TMF1: variants seen among roughly 807,000 people sequenced by gnomAD.
The protein encoded by TMF1 is TATA element modulatory factor.
Under a neutral mutation model 126.5 loss-of-function variants are expected in TMF1, and 71 were observed. That is an observed-to-expected ratio of 0.56 (90% confidence interval 0.46 to 0.68). The LOEUF (loss-of-function observed/expected upper bound fraction) is 0.68, where lower values mean the gene tolerates loss of function less well. Among genes scored for constraint, TMF1 ranks in the 30% least tolerant of loss-of-function variants. The pLI, the probability that TMF1 is intolerant of heterozygous loss-of-function variation, is 0.00. For missense variants in TMF1, 1,259 were observed against 1,253.2 expected (o/e 1.00, Z -0.07); for synonymous variants, 461 against 430.5 (o/e 1.07, Z -0.88).
At chr3:69,042,137 A>G (rs2091869362) in intron 5 of TMF1, among the ~76,000 whole-genome samples, 6 of 152,104 alleles carry the variant, frequency 3.9e-5, no homozygotes, top group Admixed American at 2.6e-4. Context: ...CCCAGGCTCA[A>G]GCAATCCTCC....
At chr3:69,045,927 G>T (rs1054612296) in intron 2 of TMF1, among the ~76,000 whole-genome samples, 1 of 151,796 alleles carries the variant, frequency 6.6e-6, no homozygotes, top group African/African-American at 2.4e-5. Context: ...GGCGTGGTGC[G>T]AGCCTATGGT....
intron 2 of TMF1, among the ~76,000 whole-genome samples, chr3:69,044,880 A>C (rs1180888269): frequency 3.3e-5 from 5 of 152,206 alleles, no homozygotes; most frequent in African/African-American, 1.2e-4. Flanking sequence ...TTGATATAGA[A>C]AATTTCACTT....
At chr3:69,029,073 C>G (rs1458401551) in intron 11 of TMF1, among the ~76,000 whole-genome samples, 1 of 150,148 alleles carries the variant, frequency 6.7e-6, no homozygotes, top group East Asian at 1.9e-4. Context: ...GAGTCTCGCT[C>G]TGCTGCCCGG....
chr3:69,047,294 T>C (rs2091900567), intron 2 of TMF1, 64 bp downstream of exon 2: 39 of 1,486,434 alleles, frequency 2.6e-5, no homozygotes, highest in Non-Finnish European at 3.4e-5. Context: ...AAAGTATTTT[T>C]TAAAACAAAT....
At position 69,047,964 on chromosome 3, in the gene TMF1, A is replaced by G. The variant is rs762736143; in HGVS notation, c.741T>C (p.Ser247=). 1 of 1,613,900 alleles carries G rather than the reference A, an allele frequency of 6.2e-7. No homozygotes were observed. The highest frequency in any genetic ancestry group is 8.5e-7 in the Non-Finnish European group (1 of 1,180,032). Residue 247 remains serine (S), a synonymous_variant, in exon 2 of 17, where the codon AGT becomes AGC. Coordinates refer to ENST00000398559, the MANE Select transcript of TMF1 (RefSeq NM_007114.3). ...RQSNTPSPPV[S]TFSSGTSTTS... ...TGGTAGAAGTACCTGATGAAAAGGT[A>G]CTAACAGGAGGAGAAGGTGTATTGC...
At chr3:69,034,669 A>C (rs1378148853) in intron 9 of TMF1, among the ~76,000 whole-genome samples, 1 of 152,200 alleles carries the variant, frequency 6.6e-6, no homozygotes, top group Non-Finnish European at 1.5e-5. Flanking sequence ...TTTCCTCTGC[A>C]TGTTATAAAT....
intron 2 of TMF1, among the ~76,000 whole-genome samples, chr3:69,045,398 C>T (rs2091890094): frequency 6.6e-6 from 1 of 151,954 alleles, no homozygotes; most frequent in South Asian, 2.1e-4. Context: ...GTGGAGGTTG[C>T]AGTGAGCCAA....
At chr3:69,042,777 T>G in intron 5 of TMF1, 30 bp downstream of exon 5, 1 of 1,561,634 alleles carries the variant, frequency 6.4e-7, no homozygotes, top group South Asian at 1.1e-5. Flanking sequence ...CTTACAGTAT[T>G]TTTCATAGTC....
chr3:69,044,734 T>G (rs1288645735), intron 2 of TMF1, 139 bp from the exon 3 acceptor site: 58 of 524,478 alleles, frequency 1.1e-4, no homozygotes, highest in Non-Finnish European at 1.2e-4. Context: ...ACACAGAAGA[T>G]CCAGAACAAG....
Position 69,052,132 on chromosome 3 carries a change from G to A in TMF1, c.-46C>T. ...TGGCGGCGGCAGCACCAAGCGGGAA[G>A]GCCTCAGGCCTGGGGAAGGGTGCAG... On this transcript the variant is annotated 5_prime_UTR_variant, in exon 1 of 17. Coordinates refer to ENST00000398559, the MANE Select transcript of TMF1 (RefSeq NM_007114.3). 6.3e-7 allele frequency: 1 copy of A among 1,578,434 alleles called. No homozygotes were observed. The highest frequency in any genetic ancestry group is 2.3e-5 in the East Asian group (1 of 44,110).
chr3:69,049,317 T>G (rs556112641), intron 1 of TMF1, among the ~76,000 whole-genome samples: 1 of 152,328 alleles, frequency 6.6e-6, no homozygotes, highest in Non-Finnish European at 1.5e-5. Context: ...GAAGCTGCAG[T>G]GAGCCATGAT....
intron 10 of TMF1, 46 bp from the exon 11 acceptor site, chr3:69,030,053 A>C: frequency 6.6e-7 from 1 of 1,510,770 alleles, no homozygotes; most frequent in South Asian, 1.2e-5. Context: ...TACAGCCCAG[A>C]GACCAAAATA....
intron 8 of TMF1, among the ~76,000 whole-genome samples, chr3:69,037,114 T>C (rs556716990): frequency 6.6e-6 from 1 of 152,176 alleles, no homozygotes. Flanking sequence ...TGCAAAGGAT[T>C]TGAATATTTT....
At chr3:69,044,662 T>A (rs2091885728) in intron 2 of TMF1, 67 bp from the exon 3 acceptor site, 2 of 943,686 alleles carry the variant, frequency 2.1e-6, no homozygotes, top group Non-Finnish European at 3.3e-6. Flanking sequence ...TACATGCAGG[T>A]GTATCACTGT....
intron 2 of TMF1, among the ~76,000 whole-genome samples, chr3:69,045,055 T>G (rs2091887939): frequency 6.6e-6 from 1 of 152,330 alleles, no homozygotes; most frequent in African/African-American, 2.4e-5. Context: ...AAGAGGAAAT[T>G]TAAAGCCTCT....
Position 69,047,722 on chromosome 3 carries a change from G to A in TMF1, c.983C>T (p.Ser328Leu), listed in dbSNP as rs2091903386. Reference protein sequence around the residue: ...CSSDAFERIDSFSVQSLDSRS... With the variant: ...CSSDAFERIDLFSVQSLDSRS... ...GCTATCTAATGACTGTACACTAAAT[G>A]AGTCTATTCTTTCAAAAGCATCAGA... is the stretch of plus-strand genomic sequence containing the variant. The change falls in exon 2 of 17, where the codon TCA becomes TTA. Residue 328 changes from serine to leucine, a missense_variant. Coordinates refer to ENST00000398559, the MANE Select transcript of TMF1 (RefSeq NM_007114.3). 1.2e-6 allele frequency: 2 copies of A among 1,614,034 alleles called. No homozygotes were observed. Among genetic ancestry groups the A allele is most frequent in the Admixed American group, 1.7e-5 (1 of 60,010 alleles).
Position 69,047,877 on chromosome 3 carries a change from T to C in TMF1, c.828A>G (p.Arg276=). 1 of 1,613,990 alleles carries C rather than the reference T, an allele frequency of 6.2e-7. No individual in the cohort carries two copies. The highest frequency in any genetic ancestry group is 8.5e-7 in the Non-Finnish European group (1 of 1,180,016). The change falls in exon 2 of 17, where the codon AGA becomes AGG. Residue 276 remains arginine (R), a synonymous_variant. Coordinates refer to ENST00000398559, the MANE Select transcript of TMF1 (RefSeq NM_007114.3). ...SVISESSASS[R]QETTDSKSSL... is the part of the protein sequence containing the mutation. Reference sequence around the variant, plus strand: ...TTGATTTTGAATCTGTAGTCTCTTGTCTCGAGCTCGCTGAGCTCTCACTTA... The same window carrying C: ...TTGATTTTGAATCTGTAGTCTCTTGCCTCGAGCTCGCTGAGCTCTCACTTA...
chr3:69,047,468 A>C lies in TMF1; in HGVS notation c.1237T>G (p.Ser413Ala), dbSNP rs752975636. The change falls in exon 2 of 17, where the codon TCT becomes GCT. Residue 413 changes from serine to alanine, a missense_variant. Coordinates refer to ENST00000398559, the MANE Select transcript of TMF1 (RefSeq NM_007114.3). ...VNCEQPDILV[S>A]STPINEGQTV... ...TGTCCTTCATTTATTGGTGTGGAAG[A>C]AACCAAGATATCAGGCTGTTCACAG... 8.7e-6 allele frequency: 14 copies of C among 1,614,070 alleles called. No individual in the cohort carries two copies. In the South Asian group the frequency reaches 1.5e-4, roughly 18 times the overall value.
In TMF1 at chr3:69,026,096, TC is replaced by T. The variant is rs1157579814; in HGVS notation, c.2758del (p.Glu920AsnfsTer19). 1 of 1,610,172 alleles carries T rather than the reference TC, an allele frequency of 6.2e-7. No individual in the cohort carries two copies. ...IFTQETIKEK[E>X]RKPFSVSSTP... ...GCTAGAAACAGAAAATGGCTTGCGTTCCTTAGGGAGTAAAAAAAATTCTGTT... is the reference window on the plus strand; with the variant it reads ...GCTAGAAACAGAAAATGGCTTGCGTTCTTAGGGAGTAAAAAAAATTCTGTT... On this transcript the variant is annotated frameshift_variant and splice_region_variant, in exon 14 of 17. Transcript: ENST00000398559. LOFTEE classifies it high-confidence loss of function.
Sources: allele counts gnomAD v4.1 joint callset (sites outside exome capture counted in the v4.1 genomes callset), GRCh38; gene constraint gnomAD v4.1.1; transcripts MANE v1.5; gene names NCBI Gene and HGNC (gene_info 2026-07-23, HGNC 2026-07-21).